NTM: variants seen among roughly 807,000 people sequenced by gnomAD.
The protein encoded by NTM is IgLON family member 2.
In NTM, 13 loss-of-function variants were observed where a neutral mutation model predicts 42.1. The ratio of observed to expected loss-of-function variants is 0.31; its 90% CI spans 0.20 to 0.49. The LOEUF (loss-of-function observed/expected upper bound fraction) is 0.49, where lower values mean the gene tolerates loss of function less well. Among genes scored for constraint, NTM ranks in the 20% least tolerant of loss-of-function variants. NTM has a pLI of 0.99. For synonymous variants in NTM, 187 were observed against 179.2 expected (o/e 1.04, Z -0.35); for missense variants, 373 against 452.8 (o/e 0.82, Z 1.60).
intron 1 of NTM, among the ~76,000 whole-genome samples, chr11:131,619,959 C>G (rs756598495): frequency 6.6e-6 from 1 of 152,020 alleles, no homozygotes; most frequent in Non-Finnish European, 1.5e-5. Context: ...CACACACTAC[C>G]AAGCCCAGCT....
intron 1 of NTM, among the ~76,000 whole-genome samples, chr11:131,529,534 AC>A: frequency 6.6e-6 from 1 of 152,292 alleles, no homozygotes; most frequent in Non-Finnish European, 1.5e-5. Context: ...AAGAAGGGCC[AC>A]CGGAGTGTCA....
intron 1 of NTM, among the ~76,000 whole-genome samples, chr11:131,814,745 C>A (rs1346535058): frequency 6.6e-6 from 1 of 152,186 alleles, no homozygotes; most frequent in Non-Finnish European, 1.5e-5. Flanking sequence ...TGCCGGGCTA[C>A]GTCTGCAGCC....
Position 131,649,635 on chromosome 11 carries a change from C to A in NTM, c.83-261929C>A, listed in dbSNP as rs75533931. Reference sequence around the variant, plus strand: ...TAATCGCCTCGTTCAGCAGAAACACCGTAGATAGTAAACTCTGTATGTGTG... The same window carrying A: ...TAATCGCCTCGTTCAGCAGAAACACAGTAGATAGTAAACTCTGTATGTGTG... On this transcript the variant is annotated intron_variant, in intron 1 of 8. Transcript: ENST00000683400. Among the ~76,000 whole-genome samples, 175 of 152,186 alleles carry A rather than the reference C, an allele frequency of 1.1e-3. 2 individuals are homozygous for A. In the East Asian group the frequency reaches 0.03, roughly 26 times the overall value.
intron 2 of NTM, among the ~76,000 whole-genome samples, chr11:131,919,780 A>G (rs542815115): frequency 6.6e-5 from 10 of 152,300 alleles, no homozygotes; most frequent in Admixed American, 6.5e-4. Context: ...ATATGTGTAT[A>G]TAATATACAC....
At chr11:132,296,040 G>A (rs571156830) in intron 4 of NTM, among the ~76,000 whole-genome samples, 4 of 152,336 alleles carry the variant, frequency 2.6e-5, no homozygotes, top group Admixed American at 2.6e-4. Flanking sequence ...ATAAGGGAAA[G>A]AGAGCAAGCA....
At chr11:131,550,699 G>A (rs754009888) in intron 1 of NTM, among the ~76,000 whole-genome samples, 8 of 151,756 alleles carry the variant, frequency 5.3e-5, no homozygotes, top group Non-Finnish European at 1.2e-4. Context: ...TCATAGCATT[G>A]TGAAAACAGA....
At chr11:131,699,611 G>T (rs541389722) in intron 1 of NTM, among the ~76,000 whole-genome samples, 10 of 152,268 alleles carry the variant, frequency 6.6e-5, no homozygotes, top group African/African-American at 2.2e-4. Flanking sequence ...AAGAGGTTTA[G>T]TTGACTCACA....
At chr11:131,872,497 T>G (rs1054332120) in intron 1 of NTM, among the ~76,000 whole-genome samples, 1 of 152,222 alleles carries the variant, frequency 6.6e-6, no homozygotes, top group Non-Finnish European at 1.5e-5. Context: ...ACAAAAGCCA[T>G]CCTGCTCACA....
intron 4 of NTM, among the ~76,000 whole-genome samples, chr11:132,221,736 A>T (rs553571661): frequency 6.6e-6 from 1 of 152,280 alleles, no homozygotes; most frequent in South Asian, 2.1e-4. Flanking sequence ...CATCAGCATT[A>T]TGTTACTTAA....
chr11:131,841,702 G>T (rs957397460), intron 1 of NTM, among the ~76,000 whole-genome samples: 1 of 152,148 alleles, frequency 6.6e-6, no homozygotes, highest in Non-Finnish European at 1.5e-5. Context: ...CCTATTGAGG[G>T]GTCAGTCCTG....
At chr11:131,725,921 G>C (rs2078912764) in intron 1 of NTM, among the ~76,000 whole-genome samples, 1 of 152,172 alleles carries the variant, frequency 6.6e-6, no homozygotes, top group African/African-American at 2.4e-5. Context: ...AGTGGGTCTA[G>C]GGTAAGGCCT....
rs71475749 is a variant in NTM at position 131,389,012 on chromosome 11, C to CAA, written c.82+18139_82+18140dup. Among the ~76,000 whole-genome samples, 671 of 98,282 alleles carry CAA rather than the reference C, an allele frequency of 6.8e-3. 5 individuals are homozygous for CAA. The highest frequency in any genetic ancestry group is 0.024 in the African/African-American group (642 of 26,312). 64.5% of individuals were successfully genotyped at this position (98,282 alleles called of 152,430 possible). ...GGGCGACAAGAGCAAGACTTCATCA[C>CAA]AAAAAAAAAAAAAAAAGAAAAGAAA... On this transcript the variant is annotated intron_variant, in intron 1 of 8. Coordinates refer to ENST00000683400, the MANE Select transcript of NTM (RefSeq NM_001352005.2).
At chr11:131,951,200 G>A (rs1448696607) in intron 2 of NTM, among the ~76,000 whole-genome samples, 1 of 152,164 alleles carries the variant, frequency 6.6e-6, no homozygotes, top group Non-Finnish European at 1.5e-5. Context: ...GAATAAAAAG[G>A]CATTTGATGA....
intron 1 of NTM, among the ~76,000 whole-genome samples, chr11:131,736,708 C>A (rs973986672): frequency 1.3e-5 from 2 of 152,108 alleles, no homozygotes; most frequent in African/African-American, 2.4e-5. Flanking sequence ...AGATGATGAG[C>A]GTAACTCAAC....
At chr11:132,028,937 G>A (rs1488385425) in intron 2 of NTM, among the ~76,000 whole-genome samples, 1 of 152,084 alleles carries the variant, frequency 6.6e-6, no homozygotes, top group African/African-American at 2.4e-5. Flanking sequence ...CCCAAAGTCT[G>A]GAGCTCTCAT....
chr11:131,932,712 A>G (rs867637999), intron 2 of NTM, among the ~76,000 whole-genome samples: 53 of 152,212 alleles, frequency 3.5e-4, no homozygotes, highest in African/African-American at 1.2e-3. Flanking sequence ...GGTCATCAGT[A>G]TGTGCTGAAA....
intron 1 of NTM, among the ~76,000 whole-genome samples, chr11:131,838,419 T>A (rs1384442948): frequency 6.6e-6 from 1 of 152,200 alleles, no homozygotes; most frequent in Non-Finnish European, 1.5e-5. Context: ...ATGGCTTTGG[T>A]TGGAAAATAG....
intron 7 of NTM, among the ~76,000 whole-genome samples, chr11:132,322,900 G>A (rs1490531153): frequency 5.6e-5 from 8 of 143,484 alleles, no homozygotes; most frequent in Non-Finnish European, 1.1e-4. Flanking sequence ...CAACTACATG[G>A]AAACTGAACA....
At chr11:131,378,642 T>C (rs1443708092) in intron 1 of NTM, among the ~76,000 whole-genome samples, 2 of 152,168 alleles carry the variant, frequency 1.3e-5, no homozygotes, top group African/African-American at 2.4e-5. Context: ...TGACTCTCAA[T>C]TGATCAATTC....
Sources: allele counts gnomAD v4.1 joint callset (sites outside exome capture counted in the v4.1 genomes callset), GRCh38; gene constraint gnomAD v4.1.1; transcripts MANE v1.5; gene names NCBI Gene and HGNC (gene_info 2026-07-23, HGNC 2026-07-21).